CYP4F2: variants seen among roughly 807,000 people sequenced by gnomAD.
The protein encoded by CYP4F2 is cytochrome P450 4F2.
In CYP4F2, 58 loss-of-function variants were observed where a neutral mutation model predicts 58.9. That is an observed-to-expected ratio of 0.98 (90% CI 0.80 to 1.23). The LOEUF (loss-of-function observed/expected upper bound fraction) is 1.23. CYP4F2 is among the 50% of genes most tolerant of loss of function. The pLI is 0.00. For synonymous variants in CYP4F2, 287 were observed against 261.1 expected (o/e 1.10, Z -0.95); for missense variants, 616 against 685.6 (o/e 0.90, Z 1.13).
chr19:15,897,678 G>A, intron 1 of CYP4F2, 66 bp from the exon 2 acceptor site: 1 of 1,582,024 alleles, frequency 6.3e-7, no homozygotes, highest in South Asian at 1.1e-5. Context: ...GACCTCCAGG[G>A]ACAGTGGAGA....
intron 9 of CYP4F2, among the ~76,000 whole-genome samples, chr19:15,881,943 C>A (rs1234234136): frequency 6.6e-6 from 1 of 152,084 alleles, no homozygotes; most frequent in Non-Finnish European, 1.5e-5. Flanking sequence ...AATAGTCAAG[C>A]TCATAGAAAC....
rs1462161537 is a variant in CYP4F2 at position 15,879,910 on chromosome 19, C to G, written c.1116-13G>C. On this transcript the variant is annotated splice_polypyrimidine_tract_variant and intron_variant, in intron 9 of 12. Coordinates refer to ENST00000221700, the MANE Select transcript of CYP4F2 (RefSeq NM_001082.5). Reference sequence around the variant, plus strand: ...GGCCAGGTCGTCCCTAAGGAAACACCCCAGCCCCAATCCTTATCAAGGGAG... The same window carrying G: ...GGCCAGGTCGTCCCTAAGGAAACACGCCAGCCCCAATCCTTATCAAGGGAG... 1 of 1,613,998 alleles carries G rather than the reference C, an allele frequency of 6.2e-7. No individual in the cohort carries two copies. Among genetic ancestry groups the G allele is most frequent in the Non-Finnish European group, 8.5e-7 (1 of 1,179,980 alleles).
intron 12 of CYP4F2, 87 bp from the exon 13 acceptor site, chr19:15,879,023 C>G: frequency 6.4e-7 from 1 of 1,564,804 alleles, no homozygotes; most frequent in South Asian, 1.2e-5. Context: ...GGACACCCAA[C>G]CCCACCTAGA....
In CYP4F2 at chr19:15,891,947, T is replaced by G. The variant is rs561427402; in HGVS notation, c.525+362A>C. Among the ~76,000 whole-genome samples, 14 of 152,292 alleles carry G rather than the reference T, an allele frequency of 9.2e-5. No homozygotes were observed. The South Asian group carries it at 2.9e-3, about 32-fold the overall frequency. ...ACCTGCCAACTGTCCCAAAGACTTA[T>G]TAGCAAACATAAACACTTATTGGTT... is the stretch of plus-strand genomic sequence containing the variant. On this transcript the variant is annotated intron_variant, in intron 5 of 12. Transcript: ENST00000221700.
intron 7 of CYP4F2, among the ~76,000 whole-genome samples, chr19:15,886,879 C>G (rs1297373484): frequency 6.6e-6 from 1 of 152,084 alleles, no homozygotes; most frequent in Non-Finnish European, 1.5e-5. Flanking sequence ...GAAAATGTGC[C>G]AAGACTCATA....
chr19:15,889,240 AGCAGCTCCCTGCTAGGT>A (rs1188421642), intron 7 of CYP4F2, among the ~76,000 whole-genome samples, 166 bp downstream of exon 7: 1 of 152,228 alleles, frequency 6.6e-6, no homozygotes, highest in Non-Finnish European at 1.5e-5. Context: ...TTTCAAGCCT[AGCAGCTCCCTGCTAGGT>A]GCACTCCACA....
chr19:15,887,471 G>A (rs1326058149), intron 7 of CYP4F2, among the ~76,000 whole-genome samples: 9 of 146,738 alleles, frequency 6.1e-5, no homozygotes, highest in Non-Finnish European at 1.4e-4. Flanking sequence ...TAGAAACACA[G>A]ACACATAAAT....
intron 7 of CYP4F2, 157 bp from the exon 8 acceptor site, chr19:15,886,465 C>G: frequency 2.1e-6 from 2 of 937,372 alleles, no homozygotes; most frequent in Non-Finnish European, 3.2e-6. Flanking sequence ...TCTTGGTCAC[C>G]ATGGCCAGAG....
intron 7 of CYP4F2, 24 bp from the exon 8 acceptor site, chr19:15,886,332 CCCA>C (rs869129394): frequency 1.6e-5 from 25 of 1,602,644 alleles, no homozygotes; most frequent in African/African-American, 4.0e-5. Context: ...AGTAACCCCC[CCCA>C]ACCCCCACCC....
At chr19:15,885,656 T>A (rs2089373097) in intron 9 of CYP4F2, among the ~76,000 whole-genome samples, 1 of 99,254 alleles carries the variant, frequency 1.0e-5, no homozygotes, top group Non-Finnish European at 2.2e-5. Flanking sequence ...GAGGGGAAGT[T>A]CATTTGCTGA....
intron 9 of CYP4F2, among the ~76,000 whole-genome samples, chr19:15,881,968 G>A (rs1293493519): frequency 6.6e-5 from 10 of 152,172 alleles, no homozygotes; most frequent in Admixed American, 3.3e-4. Flanking sequence ...GTGGAGGTCG[G>A]GCGCGGTGGC....
chr19:15,879,020 C>G, intron 12 of CYP4F2, 84 bp from the exon 13 acceptor site: 1 of 1,568,812 alleles, frequency 6.4e-7, no homozygotes. Flanking sequence ...CTGGGACACC[C>G]AACCCCACCT....
rs2089442859 is a variant in CYP4F2, at chr19:15,895,562, GA to G, written c.286del (p.Ser96ProfsTer43). On this transcript the variant is annotated frameshift_variant, in exon 3 of 13. Coordinates refer to ENST00000221700, the MANE Select transcript of CYP4F2 (RefSeq NM_001082.5). LOFTEE classifies it high-confidence loss of function. ...GGGGTGGCACAAACTGAGGAGGGGG[GA>G]GATGGGTCCCATCCAGACCTTAAAG... ...QGFKVWMGPI[S>X]PLLSLCHPDI... The G allele has an allele frequency of 6.4e-7, 1 of 1,559,038 alleles. No homozygotes were observed. Among genetic ancestry groups the G allele is most frequent in the African/African-American group, 1.4e-5 (1 of 71,012 alleles).
chr19:15,890,782 C>G (rs142176290), intron 5 of CYP4F2, among the ~76,000 whole-genome samples: 6 of 152,178 alleles, frequency 3.9e-5, no homozygotes, highest in Non-Finnish European at 8.8e-5. Flanking sequence ...AAACTCTGCT[C>G]CACCTCGCCA....
rs1317571713 is a variant in CYP4F2, at chr19:15,895,546, C to G, written c.303G>C (p.Leu101Phe). 6.5e-7 allele frequency: 1 copy of G among 1,547,618 alleles called. No individual in the cohort carries two copies. Among genetic ancestry groups the G allele is most frequent in the African/African-American group, 1.4e-5 (1 of 70,310 alleles). The change falls in exon 3 of 13, where the codon TTG becomes TTC. Residue 101 changes from leucine to phenylalanine, a missense_variant. By Grantham distance (22) the Leu-to-Phe change is conservative. Coordinates refer to ENST00000221700, the MANE Select transcript of CYP4F2 (RefSeq NM_001082.5). ...WMGPISPLLSLCHPDIIRSVI... is the reference protein window; with the variant it reads ...WMGPISPLLSFCHPDIIRSVI... ...CAGACCGGATGATGTCGGGGTGGCA[C>G]AAACTGAGGAGGGGGGAGATGGGTC...
intron 12 of CYP4F2, 126 bp from the exon 13 acceptor site, chr19:15,879,062 C>A: frequency 3.5e-6 from 5 of 1,424,332 alleles, no homozygotes; most frequent in Non-Finnish European, 4.7e-6. Context: ...AAGGGGGTAT[C>A]CGTGCCTGGA....
At chr19:15,892,259 G>A (rs764230300) in intron 5 of CYP4F2, 50 bp downstream of exon 5, 3 of 1,611,966 alleles carry the variant, frequency 1.9e-6, no homozygotes, top group Non-Finnish European at 2.5e-6. Flanking sequence ...TCTCTCTGTT[G>A]TCCTTTCACC....
chr19:15,880,003 C>T, intron 9 of CYP4F2, 106 bp from the exon 10 acceptor site: 1 of 1,566,212 alleles, frequency 6.4e-7, no homozygotes, highest in Non-Finnish European at 8.6e-7. Flanking sequence ...ATAAAATAAA[C>T]TTTTAACAAG....
intron 5 of CYP4F2, among the ~76,000 whole-genome samples, 172 bp from the exon 6 acceptor site, chr19:15,890,605 G>A (rs931210040): frequency 5.9e-5 from 9 of 152,200 alleles, no homozygotes; most frequent in African/African-American, 1.9e-4. Flanking sequence ...ACTATTAAGA[G>A]ATGAAGACCC....
Sources: allele counts gnomAD v4.1 joint callset (sites outside exome capture counted in the v4.1 genomes callset), GRCh38; gene constraint gnomAD v4.1.1; transcripts MANE v1.5; gene names NCBI Gene and HGNC (gene_info 2026-07-23, HGNC 2026-07-21).